The following CDH2 variants were observed in gnomAD, a reference collection of about 807,000 sequenced individuals.
CDH2 encodes cadherin 2, also known as cadherin-2.
CDH2 carries 17 observed loss-of-function variants against 92.0 expected under a neutral mutation model. The ratio of observed to expected loss-of-function variants is 0.18; its 90% CI spans 0.13 to 0.28. The LOEUF is 0.28. Among genes scored for constraint, CDH2 ranks in the 10% least tolerant of loss-of-function variants. CDH2 has a pLI of 1.00. For missense variants in CDH2, 862 were observed against 1,133.1 expected (o/e 0.76, Z 3.44); for synonymous variants, 419 against 415.9 (o/e 1.01, Z -0.09).
intron 2 of CDH2, among the ~76,000 whole-genome samples, chr18:28,110,586 T>C (rs2015395039): frequency 1.3e-5 from 2 of 152,150 alleles, no homozygotes; most frequent in Non-Finnish European, 2.9e-5. Context: ...ACCTAAGCAA[T>C]AGCAGGAGTC....
At chr18:28,146,732 TC>T (rs1175257321) in intron 2 of CDH2, 1 of 152,090 alleles carries the variant, frequency 6.6e-6, no homozygotes, top group South Asian at 2.1e-4. Context: ...TGGAGACACT[TC>T]AATTAAGGCT....
At chr18:28,010,569 G>A (rs150385026) in intron 4 of CDH2, among the ~76,000 whole-genome samples, 1 of 152,168 alleles carries the variant, frequency 6.6e-6, no homozygotes, top group African/African-American at 2.4e-5. Context: ...ACAGGAGACA[G>A]AACAGGCTAT....
At chr18:28,058,444 C>T (rs2014338526) in intron 2 of CDH2, among the ~76,000 whole-genome samples, 1 of 152,118 alleles carries the variant, frequency 6.6e-6, no homozygotes, top group Non-Finnish European at 1.5e-5. Flanking sequence ...TAAAATGGCC[C>T]CTCCAGGCTC....
chr18:28,148,474 C>T (rs1472877786), intron 1 of CDH2, among the ~76,000 whole-genome samples: 2 of 152,168 alleles, frequency 1.3e-5, no homozygotes, highest in African/African-American at 4.8e-5. Flanking sequence ...GTGCTTAAAA[C>T]TCAGTCATAC....
intron 2 of CDH2, among the ~76,000 whole-genome samples, chr18:28,032,784 T>C (rs2144087697): frequency 6.6e-6 from 1 of 152,176 alleles, no homozygotes; most frequent in South Asian, 2.1e-4. Context: ...CCAAAGCTCT[T>C]TGGGGCGTCC....
downstream of CDH2, among the ~76,000 whole-genome samples, chr18:27,947,715 A>G (rs535170882): frequency 1.0e-4 from 8 of 79,434 alleles, no homozygotes; most frequent in Middle Eastern, 6.3e-3. Context: ...TATATGTGAT[A>G]TAAGTATGTG....
chr18:28,046,909 T>C (rs2014087976), intron 2 of CDH2, among the ~76,000 whole-genome samples: 1 of 152,202 alleles, frequency 6.6e-6, no homozygotes. Flanking sequence ...TGGAAGTAAA[T>C]TTCTTCCTCT....
At chr18:28,094,523 G>A (rs775328400) in intron 2 of CDH2, among the ~76,000 whole-genome samples, 33 of 150,616 alleles carry the variant, frequency 2.2e-4, no homozygotes, top group Non-Finnish European at 3.8e-4. Flanking sequence ...AGCCAGGTGC[G>A]GTGGCTCACG....
At position 28,005,877 on chromosome 18, in the gene CDH2, A is replaced by G; in HGVS notation, c.819T>C (p.Asn273=). The change falls in exon 6 of 16, where the codon AAT becomes AAC. Residue 273 remains asparagine, a synonymous_variant. Transcript: ENST00000269141. The stretch of plus-strand genomic sequence containing the variant: ...GCTTTGATCCCTCAGGAACTGTCCC[A>G]TTCCAAACCTGGTGTAAGAACTCAG... ...NRPEFLHQVW[N]GTVPEGSKPG... 6.2e-7 allele frequency: 1 copy of G among 1,613,652 alleles called. No individual in the cohort carries two copies. Among genetic ancestry groups the G allele is most frequent in the Non-Finnish European group, 8.5e-7 (1 of 1,179,636 alleles).
At chr18:28,061,603 C>T (rs888104392) in intron 2 of CDH2, among the ~76,000 whole-genome samples, 9 of 152,122 alleles carry the variant, frequency 5.9e-5, no homozygotes, top group East Asian at 3.9e-4. Context: ...AGCACGACTC[C>T]GTCTCAAAAA....
intron 10 of CDH2, 114 bp downstream of exon 10, chr18:27,989,983 A>G: frequency 1.2e-6 from 1 of 846,284 alleles, no homozygotes; most frequent in Non-Finnish European, 1.8e-6. Context: ...TTATCTTTTA[A>G]TAAGTAGTTT....
chr18:28,062,841 C>G (rs2014429746), intron 2 of CDH2, among the ~76,000 whole-genome samples: 1 of 152,020 alleles, frequency 6.6e-6, no homozygotes, highest in South Asian at 2.1e-4. Context: ...GGAGTGGTGG[C>G]ACATGCTTGG....
chr18:27,984,762 A>G (rs769978644), intron 13 of CDH2, among the ~76,000 whole-genome samples: 2 of 152,232 alleles, frequency 1.3e-5, no homozygotes, highest in African/African-American at 2.4e-5. Context: ...AGAAAGGGTA[A>G]GAGGGCAAGG....
chr18:27,989,821 T>A (rs1355279108), intron 10 of CDH2, among the ~76,000 whole-genome samples: 1 of 152,142 alleles, frequency 6.6e-6, no homozygotes, highest in East Asian at 1.9e-4. Context: ...CTAAATAATT[T>A]TAAAGTATTT....
intron 14 of CDH2, among the ~76,000 whole-genome samples, chr18:27,968,808 A>G (rs933858163): frequency 1.2e-4 from 19 of 152,212 alleles, no homozygotes; most frequent in African/African-American, 4.3e-4. Context: ...AAATACTCAC[A>G]TGGAAGTAAA....
intron 1 of CDH2, among the ~76,000 whole-genome samples, chr18:28,176,226 G>A (rs1430355618): frequency 2.0e-5 from 3 of 152,192 alleles, no homozygotes; most frequent in Admixed American, 1.3e-4. Flanking sequence ...CAGGCAGCCG[G>A]ACAGAGAAAG....
At chr18:27,944,389 C>T (rs1447157325) in intron 6 of CDH2, among the ~76,000 whole-genome samples, 1 of 152,056 alleles carries the variant, frequency 6.6e-6, no homozygotes, top group Non-Finnish European at 1.5e-5. Context: ...TTAAGTTAGC[C>T]ATTAATTCCT....
At chr18:27,955,386 GAAAA>G (rs71992407) in intron 15 of CDH2, among the ~76,000 whole-genome samples, 47,660 of 101,614 alleles carry the variant, frequency 0.47, 9,227 homozygotes, top group Non-Finnish European at 0.56. Flanking sequence ...AAAAAAAAAA[GAAAA>G]AGAAAGAAAA....
chr18:27,956,675 T>C (rs1006172518), intron 15 of CDH2, among the ~76,000 whole-genome samples: 3 of 152,166 alleles, frequency 2.0e-5, no homozygotes, highest in Non-Finnish European at 4.4e-5. Flanking sequence ...CGTTATTTGA[T>C]ATCACTCCCG....
Sources: gnomAD v4.1 joint callset for allele counts (sites outside exome capture counted in the v4.1 genomes callset) on GRCh38, gnomAD v4.1.1 for gene constraint, MANE v1.5 for transcripts, NCBI Gene and HGNC (gene_info 2026-07-23, HGNC 2026-07-21) for gene names.